The following EYA2 variants were observed in gnomAD, a reference collection of about 807,000 sequenced individuals.
The protein encoded by EYA2 is EYA transcriptional coactivator and phosphatase 2.
EYA2 carries 31 observed loss-of-function variants against 69.2 expected under a neutral mutation model. The observed-to-expected ratio is 0.45, with a 90% CI of 0.34 to 0.60. EYA2 has a LOEUF of 0.60. EYA2 is among the 20% of genes least tolerant of loss of function. The pLI is 0.02. For synonymous variants in EYA2, 257 were observed against 279.4 expected (o/e 0.92, Z 0.80); for missense variants, 622 against 701.2 (o/e 0.89, Z 1.28).
At chr20:47,149,095 A>C (rs764919887) in intron 10 of EYA2, among the ~76,000 whole-genome samples, 16 of 152,200 alleles carry the variant, frequency 1.1e-4, no homozygotes, top group Non-Finnish European at 2.1e-4. Context: ...AAAAAAAAAA[A>C]ACAAGTATTA....
At chr20:47,008,177 C>T (rs534621034) in intron 4 of EYA2, among the ~76,000 whole-genome samples, 1 of 152,340 alleles carries the variant, frequency 6.6e-6, no homozygotes, top group East Asian at 1.9e-4. Context: ...CTTCCTGTCA[C>T]TCACATTGGT....
At chr20:46,903,622 G>A (rs139044366) in intron 1 of EYA2, among the ~76,000 whole-genome samples, 315 of 152,144 alleles carry the variant, frequency 2.1e-3, no homozygotes, top group African/African-American at 7.2e-3. Context: ...CAGACTTTTC[G>A]GTGCCTCAGT....
intron 1 of EYA2, among the ~76,000 whole-genome samples, chr20:46,970,638 G>A (rs1980081762): frequency 6.6e-6 from 1 of 152,124 alleles, no homozygotes; most frequent in Non-Finnish European, 1.5e-5. Flanking sequence ...GTGGGGGGAT[G>A]GTTAAATAAT....
intron 10 of EYA2, among the ~76,000 whole-genome samples, chr20:47,158,185 CAGAT>C (rs1239000670): frequency 6.6e-6 from 1 of 151,940 alleles, no homozygotes; most frequent in Non-Finnish European, 1.5e-5. Flanking sequence ...CACCTGCAAG[CAGAT>C]AGAATAACCA....
Position 47,001,475 on chromosome 20 carries a change from T to A in EYA2, c.155+2T>A. ...GAGAGTGTCCCAGCTCTTCTCCAGG[T>A]GAGTGCCATTCACTTGTCTCCTGCT... On this transcript the variant is annotated splice_donor_variant, in intron 3 of 15. Coordinates refer to ENST00000327619, the MANE Select transcript of EYA2 (RefSeq NM_005244.5). LOFTEE classifies it high-confidence loss of function. 6.2e-7 allele frequency: 1 copy of A among 1,614,030 alleles called. No homozygotes were observed. The highest frequency in any genetic ancestry group is 8.5e-7 in the Non-Finnish European group (1 of 1,179,900).
chr20:47,116,554 C>T (rs1052699969), intron 9 of EYA2, among the ~76,000 whole-genome samples: 3 of 152,192 alleles, frequency 2.0e-5, no homozygotes, highest in Non-Finnish European at 2.9e-5. Context: ...CCATTATTCC[C>T]GTAGCACTCT....
At chr20:47,015,759 A>G (rs1003466253) in intron 4 of EYA2, among the ~76,000 whole-genome samples, 1 of 152,188 alleles carries the variant, frequency 6.6e-6, no homozygotes, top group Non-Finnish European at 1.5e-5. Context: ...AACAAATCAC[A>G]ACTGCAATGA....
At chr20:47,089,949 A>G (rs1297077470) in intron 8 of EYA2, among the ~76,000 whole-genome samples, 3 of 152,038 alleles carry the variant, frequency 2.0e-5, no homozygotes, top group Non-Finnish European at 4.4e-5. Flanking sequence ...TGGGGACTCT[A>G]ATAAGGCTTA....
At chr20:47,187,933 G>T in intron 15 of EYA2, 120 bp from the exon 16 acceptor site, 2 of 1,001,632 alleles carry the variant, frequency 2.0e-6, no homozygotes, top group Non-Finnish European at 1.5e-6. Flanking sequence ...CCCATAGTTT[G>T]GGAAGTCCCC....
chr20:47,054,220 C>G (rs2030488315), intron 5 of EYA2, among the ~76,000 whole-genome samples: 1 of 152,104 alleles, frequency 6.6e-6, no homozygotes, highest in South Asian at 2.1e-4. Context: ...CCCCACTTCT[C>G]CAACTTGACC....
chr20:47,035,053 T>C (rs1446876635), intron 5 of EYA2, among the ~76,000 whole-genome samples: 2 of 152,222 alleles, frequency 1.3e-5, no homozygotes, highest in East Asian at 3.8e-4. Flanking sequence ...CATTTACAGC[T>C]ACTGGGCCTT....
At chr20:47,104,721 G>A (rs933059453) in intron 9 of EYA2, among the ~76,000 whole-genome samples, 2 of 152,076 alleles carry the variant, frequency 1.3e-5, no homozygotes, top group African/African-American at 4.8e-5. Context: ...TCAACATCCT[G>A]TCAGAAAATC....
chr20:47,183,262 T>A (rs1303299107), intron 14 of EYA2, 29 bp from the exon 15 acceptor site: 1 of 1,609,948 alleles, frequency 6.2e-7, no homozygotes, highest in African/African-American at 1.3e-5. Flanking sequence ...TCACAGAGCG[T>A]TTTTTCTTTC....
intron 1 of EYA2, among the ~76,000 whole-genome samples, chr20:46,954,118 C>T (rs545832191): frequency 1.3e-5 from 2 of 152,368 alleles, no homozygotes; most frequent in East Asian, 1.9e-4. Context: ...CCTACCTCCT[C>T]TTCACATCAC....
chr20:47,182,628 T>TCAAAAGAAAAAAAAA (rs779945744), intron 14 of EYA2, among the ~76,000 whole-genome samples: 1 of 84,338 alleles, frequency 1.2e-5, no homozygotes, highest in Non-Finnish European at 2.1e-5. Flanking sequence ...AGACTCCGTC[T>TCAAAAGAAAAAAAAA]AAAAAAAAAA....
At chr20:47,085,126 C>G (rs957261744) in intron 7 of EYA2, among the ~76,000 whole-genome samples, 1 of 151,926 alleles carries the variant, frequency 6.6e-6, no homozygotes, top group Non-Finnish European at 1.5e-5. Flanking sequence ...CATGAGCCAC[C>G]ATGCCCAGCC....
At chr20:47,078,054 G>C (rs747666404) in intron 7 of EYA2, among the ~76,000 whole-genome samples, 1 of 152,220 alleles carries the variant, frequency 6.6e-6, no homozygotes, top group African/African-American at 2.4e-5. Context: ...TTTGTGGGAA[G>C]GTTCTCTTCA....
intron 9 of EYA2, among the ~76,000 whole-genome samples, chr20:47,121,176 C>T (rs2033034609): frequency 6.6e-6 from 1 of 152,142 alleles, no homozygotes; most frequent in Non-Finnish European, 1.5e-5. Context: ...CTCACTGCAA[C>T]CTCCACCTCC....
intron 15 of EYA2, among the ~76,000 whole-genome samples, chr20:47,187,363 AAG>A (rs1200905395): frequency 5.3e-5 from 8 of 152,044 alleles, no homozygotes; most frequent in African/African-American, 1.7e-4. Flanking sequence ...GAAAGAAAGA[AAG>A]AAAAAAAAAA....
Sources: allele counts gnomAD v4.1 joint callset (sites outside exome capture counted in the v4.1 genomes callset), GRCh38; gene constraint gnomAD v4.1.1; transcripts MANE v1.5; gene names NCBI Gene and HGNC (gene_info 2026-07-23, HGNC 2026-07-21).